TEX11: variants seen among roughly 807,000 people sequenced by gnomAD.
TEX11 encodes testis expressed 11.
Under a neutral mutation model 84.4 loss-of-function variants are expected in TEX11, and 7 were observed. The observed-to-expected ratio is 0.08, with a 90% CI of 0.05 to 0.16. TEX11 has a LOEUF of 0.16. Ranked by LOEUF, TEX11 falls within the 10% of genes least tolerant of loss-of-function variation. The pLI, the probability that TEX11 is intolerant of heterozygous loss-of-function variation, is 1.00. For missense variants in TEX11, 551 were observed against 660.5 expected (o/e 0.83, Z 1.82); for synonymous variants, 264 against 222.8 (o/e 1.18, Z -1.64).
At chrX:70,837,085 G>A (rs2091409771) in intron 7 of TEX11, among the ~76,000 whole-genome samples, 1 of 110,009 alleles carries the variant, frequency 9.1e-6, no homozygotes, top group Non-Finnish European at 1.9e-5. Flanking sequence ...AAAACAGTTG[G>A]CAGTTTCTAA....
intron 24 of TEX11, among the ~76,000 whole-genome samples, chrX:70,602,361 G>C (rs943251816): frequency 9.3e-6 from 1 of 107,653 alleles, no homozygotes; most frequent in Non-Finnish European, 1.9e-5. Context: ...CCATGATCAA[G>C]TGGGCTTCAT....
At chrX:70,851,014 T>C (rs1373654241) in intron 7 of TEX11, among the ~76,000 whole-genome samples, 2 of 112,358 alleles carry the variant, frequency 1.8e-5, no homozygotes, top group African/African-American at 3.2e-5. Flanking sequence ...ATGATAACAA[T>C]ATCCCCCAAA....
chrX:70,740,695 C>A lies in TEX11; in HGVS notation c.843+6G>T. The A allele has an allele frequency of 8.7e-7, 1 of 1,155,033 alleles. No individual in the cohort carries two copies. The highest frequency in any genetic ancestry group is 1.2e-6 in the Non-Finnish European group (1 of 855,384). ...AAGTTAGTATTCAAAAATACAAGCC[C>A]CATACCTTGTTTGCTAGGTTTACAG... On this transcript the variant is annotated splice_donor_region_variant and intron_variant, in intron 11 of 29. Coordinates refer to ENST00000374333, the MANE Select transcript of TEX11 (RefSeq NM_031276.3).
rs1569425643 is a variant in TEX11 at position 70,740,816 on chromosome X, A to G, written c.748-20T>C. On this transcript the variant is annotated intron_variant, in intron 10 of 29. Transcript: ENST00000374333. ...TTTAGCCTGTAAGAAAAAAAAAAAGAAAAAAAGCACATATCTGATGGTTAA... is the reference window on the plus strand; with the variant it reads ...TTTAGCCTGTAAGAAAAAAAAAAAGGAAAAAAGCACATATCTGATGGTTAA... 2 of 1,056,313 alleles carry G rather than the reference A, an allele frequency of 1.9e-6. No individual in the cohort carries two copies. Among genetic ancestry groups the G allele is most frequent in the South Asian group, 2.2e-5 (1 of 45,614 alleles). The allele number at this position is 1,056,313 out of a possible 1,213,427, so 87.1% of individuals were successfully genotyped here.
chrX:70,700,763 C>T (rs183378939), intron 13 of TEX11, among the ~76,000 whole-genome samples: 28 of 112,173 alleles, frequency 2.5e-4, no homozygotes, highest in Admixed American at 1.7e-3. Context: ...GCCAAACAGC[C>T]AAATTGCGAC....
At chrX:70,545,712 ACT>A (rs1439102676) in intron 28 of TEX11, among the ~76,000 whole-genome samples, 1 of 112,300 alleles carries the variant, frequency 8.9e-6, no homozygotes, top group Non-Finnish European at 1.9e-5. Context: ...TATGTGCTGT[ACT>A]TTTATATGAC....
chrX:70,622,854 C>T (rs1051324577), intron 20 of TEX11, among the ~76,000 whole-genome samples: 1 of 111,733 alleles, frequency 8.9e-6, no homozygotes, highest in African/African-American at 3.2e-5. Context: ...ATTATTTCAT[C>T]CATACATATT....
Position 70,641,221 on chromosome X carries a change from T to C in TEX11, c.1483+10229A>G, listed in dbSNP as rs2089653030. 2.7e-5 allele frequency among the ~76,000 whole-genome samples: 3 copies of C among 111,434 alleles called. No homozygotes were observed. The Admixed American group carries it at 2.9e-4, about 11-fold the overall frequency. Reference sequence around the variant, plus strand: ...TCAATTCAACAAGAACAGCTAACTATCCTAAATATATATGCACCCAATACA... The same window carrying C: ...TCAATTCAACAAGAACAGCTAACTACCCTAAATATATATGCACCCAATACA... On this transcript the variant is annotated intron_variant, in intron 17 of 29. Transcript: ENST00000374333.
intron 25 of TEX11, among the ~76,000 whole-genome samples, chrX:70,565,890 CT>C (rs1952154378): frequency 9.1e-6 from 1 of 110,135 alleles, no homozygotes; most frequent in Non-Finnish European, 1.9e-5. Flanking sequence ...GATGCAGGCT[CT>C]TTTTTGGTTC....
intron 11 of TEX11, among the ~76,000 whole-genome samples, chrX:70,725,947 C>T (rs1232241040): frequency 8.9e-6 from 1 of 111,944 alleles, no homozygotes; most frequent in Non-Finnish European, 1.9e-5. Context: ...CCTACATGAA[C>T]ACCGTACTGA....
At chrX:70,789,890 T>G (rs1771148033) in intron 9 of TEX11, among the ~76,000 whole-genome samples, 1 of 112,103 alleles carries the variant, frequency 8.9e-6, no homozygotes, top group African/African-American at 3.2e-5. Flanking sequence ...TAAGTGTCCC[T>G]CAACAAATAA....
intron 13 of TEX11, among the ~76,000 whole-genome samples, chrX:70,706,970 G>C (rs1188223739): frequency 9.0e-6 from 1 of 110,935 alleles, no homozygotes; most frequent in African/African-American, 3.3e-5. Context: ...TTTAATAAAT[G>C]ACTCCAATTT....
intron 12 of TEX11, among the ~76,000 whole-genome samples, chrX:70,723,317 C>T (rs1056602497): frequency 3.6e-5 from 4 of 111,177 alleles, no homozygotes; most frequent in African/African-American, 1.3e-4. Flanking sequence ...GAAGTATACA[C>T]TGTATGTCTA....
intron 17 of TEX11, among the ~76,000 whole-genome samples, chrX:70,646,289 A>G (rs1457354254): frequency 8.9e-6 from 1 of 112,304 alleles, no homozygotes; most frequent in Admixed American, 9.5e-5. Context: ...TTAAAGATTT[A>G]AACGTAAGAC....
chrX:70,713,222 T>A (rs969333874), intron 13 of TEX11, among the ~76,000 whole-genome samples: 2 of 112,014 alleles, frequency 1.8e-5, no homozygotes, highest in Admixed American at 9.5e-5. Flanking sequence ...TTTGCATCGA[T>A]GTTCATCAGG....
intron 28 of TEX11, among the ~76,000 whole-genome samples, chrX:70,539,308 A>G (rs1333646027): frequency 9.1e-6 from 1 of 109,401 alleles, no homozygotes; most frequent in East Asian, 2.9e-4. Flanking sequence ...TGCTAGGATT[A>G]CAGGCATGAG....
intron 13 of TEX11, among the ~76,000 whole-genome samples, chrX:70,704,287 C>G (rs1161276613): frequency 1.8e-5 from 2 of 110,700 alleles, no homozygotes; most frequent in African/African-American, 6.6e-5. Flanking sequence ...TATAAATTAC[C>G]CAGCCTCAAG....
chrX:70,842,685 T>C (rs1202565408), intron 7 of TEX11, among the ~76,000 whole-genome samples: 1 of 111,449 alleles, frequency 9.0e-6, no homozygotes, highest in African/African-American at 3.3e-5. Context: ...AAAGAGGAAG[T>C]CAAATTGTCC....
intron 12 of TEX11, 111 bp from the exon 13 acceptor site, chrX:70,722,807 C>A: frequency 1.8e-6 from 1 of 555,492 alleles, no homozygotes; most frequent in Admixed American, 3.4e-5. Flanking sequence ...TTGCCATATA[C>A]CATGTTTTGC....
Sources: allele counts gnomAD v4.1 joint callset (sites outside exome capture counted in the v4.1 genomes callset), GRCh38; gene constraint gnomAD v4.1.1; transcripts MANE v1.5; gene names NCBI Gene and HGNC (gene_info 2026-07-23, HGNC 2026-07-21).